The following KCNMB4 variants were observed in gnomAD, a reference collection of about 807,000 sequenced individuals.
KCNMB4 encodes calcium-activated potassium channel subunit beta-4.
Under a neutral mutation model 20.7 loss-of-function variants are expected in KCNMB4, and 3 were observed. The ratio of observed to expected loss-of-function variants is 0.14; its 90% CI spans 0.07 to 0.37. The LOEUF is 0.37. KCNMB4 is among the 10% of genes least tolerant of loss of function. The pLI, the probability that KCNMB4 is intolerant of heterozygous loss-of-function variation, is 1.00. For missense variants in KCNMB4, 168 were observed against 265.9 expected (o/e 0.63, Z 2.56); for synonymous variants, 110 against 113.4 (o/e 0.97, Z 0.19).
At chr12:70,430,366 G>C in intron 2 of KCNMB4, 119 bp from the exon 3 acceptor site, 1 of 1,047,900 alleles carries the variant, frequency 9.5e-7, no homozygotes, top group Non-Finnish European at 1.4e-6. Flanking sequence ...TATAGTCAGA[G>C]TGCAGCCTTT....
At chr12:70,428,540 G>A (rs1869273986) in intron 2 of KCNMB4, among the ~76,000 whole-genome samples, 1 of 152,216 alleles carries the variant, frequency 6.6e-6, no homozygotes, top group African/African-American at 2.4e-5. Flanking sequence ...TCACGGCAGT[G>A]CTGGGATGGG....
chr12:70,376,871 CAA>C (rs57274414), intron 1 of KCNMB4, among the ~76,000 whole-genome samples: 53 of 126,876 alleles, frequency 4.2e-4, no homozygotes, highest in Admixed American at 9.7e-4. Flanking sequence ...GACCTTGTCT[CAA>C]AAAAAAAAAA....
At chr12:70,418,069 G>T (rs1025108909) in intron 2 of KCNMB4, among the ~76,000 whole-genome samples, 2 of 152,034 alleles carry the variant, frequency 1.3e-5, no homozygotes, top group African/African-American at 4.8e-5. Context: ...GCCTTATTTT[G>T]TCTGTGCACA....
At chr12:70,370,265 T>A (rs1883566387) in intron 1 of KCNMB4, among the ~76,000 whole-genome samples, 3 of 152,032 alleles carry the variant, frequency 2.0e-5, no homozygotes, top group Admixed American at 2.0e-4. Flanking sequence ...GTTTTCAGAT[T>A]AAAAGATATT....
At chr12:70,394,603 A>ATG (rs371657715) in intron 1 of KCNMB4, among the ~76,000 whole-genome samples, 9 of 151,812 alleles carry the variant, frequency 5.9e-5, no homozygotes, top group Admixed American at 2.6e-4. Context: ...GTATGTGTGT[A>ATG]TGTGTGTGTG....
chr12:70,427,604 A>G (rs1593350701), intron 2 of KCNMB4, among the ~76,000 whole-genome samples: 2 of 152,220 alleles, frequency 1.3e-5, no homozygotes, highest in South Asian at 2.1e-4. Context: ...ATATTAAAAT[A>G]AAGTTTTACT....
At chr12:70,397,081 G>C (rs1454410789) in intron 1 of KCNMB4, among the ~76,000 whole-genome samples, 1 of 152,136 alleles carries the variant, frequency 6.6e-6, no homozygotes, top group African/African-American at 2.4e-5. Context: ...TTTCAGACCA[G>C]GTGTGATGGC....
rs79981091 is a variant in KCNMB4, at chr12:70,369,904, C to T, written c.336+2834C>T. Among the ~76,000 whole-genome samples the T allele has an allele frequency of 8.0e-3, 1,219 of 152,236 alleles. 21 individuals are homozygous for T. The highest frequency in any genetic ancestry group is 0.028 in the African/African-American group (1,162 of 41,532). On this transcript the variant is annotated intron_variant, in intron 1 of 2. Coordinates refer to ENST00000258111, the MANE Select transcript of KCNMB4 (RefSeq NM_014505.6). ...CAGGGAGATTATCTCTGTGGATTAA[C>T]CATAGCAAAATCTAAATTCGGGGTC...
chr12:70,381,397 G>A (rs540620889), intron 1 of KCNMB4, among the ~76,000 whole-genome samples: 3 of 152,244 alleles, frequency 2.0e-5, no homozygotes, highest in South Asian at 4.1e-4. Flanking sequence ...CAAGAGAAAC[G>A]AAAACATGTC....
At chr12:70,393,290 C>T (rs575684039) in intron 1 of KCNMB4, among the ~76,000 whole-genome samples, 1 of 152,182 alleles carries the variant, frequency 6.6e-6, no homozygotes, top group South Asian at 2.1e-4. Flanking sequence ...ACAACCTCTG[C>T]CTCCCGGGTT....
intron 1 of KCNMB4, among the ~76,000 whole-genome samples, chr12:70,367,314 T>C (rs1244214507): frequency 6.6e-6 from 1 of 152,156 alleles, no homozygotes; most frequent in East Asian, 1.9e-4. Flanking sequence ...CTGTCTTGCC[T>C]GGTCTCAGAT....
intron 1 of KCNMB4, among the ~76,000 whole-genome samples, chr12:70,398,184 C>T (rs1868373356): frequency 6.6e-6 from 1 of 152,034 alleles, no homozygotes; most frequent in African/African-American, 2.4e-5. Flanking sequence ...AGCCATCTCC[C>T]CAGTGGGCAG....
chr12:70,399,489 T>G (rs1868398855), intron 1 of KCNMB4, among the ~76,000 whole-genome samples: 1 of 152,254 alleles, frequency 6.6e-6, no homozygotes, highest in African/African-American at 2.4e-5. Flanking sequence ...ACTGGCATCA[T>G]CTTCGTCATC....
intron 1 of KCNMB4, among the ~76,000 whole-genome samples, chr12:70,379,575 C>T (rs969100006): frequency 1.3e-5 from 2 of 152,164 alleles, no homozygotes; most frequent in African/African-American, 2.4e-5. Context: ...CTCTACCACA[C>T]CTGGCTAATG....
chr12:70,401,196 G>A (rs1477261294), intron 2 of KCNMB4, among the ~76,000 whole-genome samples: 2 of 151,864 alleles, frequency 1.3e-5, no homozygotes, highest in South Asian at 2.1e-4. Context: ...TGGCTAATTC[G>A]TGTATTTTTA....
intron 1 of KCNMB4, among the ~76,000 whole-genome samples, chr12:70,393,379 T>C (rs928641717): frequency 1.3e-5 from 2 of 152,006 alleles, no homozygotes; most frequent in Non-Finnish European, 2.9e-5. Context: ...ATTTTTGTTG[T>C]TTTAGTAGAG....
chr12:70,402,797 G>T (rs541298324), intron 2 of KCNMB4, among the ~76,000 whole-genome samples: 1 of 152,086 alleles, frequency 6.6e-6, no homozygotes, highest in Non-Finnish European at 1.5e-5. Flanking sequence ...TGGCCTCAAG[G>T]TGGCTCTTTT....
At chr12:70,368,168 T>G (rs1196885021) in intron 1 of KCNMB4, among the ~76,000 whole-genome samples, 1 of 152,168 alleles carries the variant, frequency 6.6e-6, no homozygotes, top group Non-Finnish European at 1.5e-5. Flanking sequence ...GAATGCATCT[T>G]GTGTTCACAG....
intron 2 of KCNMB4, among the ~76,000 whole-genome samples, chr12:70,413,735 G>A (rs915922558): frequency 3.3e-5 from 5 of 152,150 alleles, no homozygotes; most frequent in East Asian, 3.8e-4. Context: ...CTACTTGAAC[G>A]ACTCTTGTGA....
Sources: gnomAD v4.1 joint callset for allele counts (sites outside exome capture counted in the v4.1 genomes callset) on GRCh38, gnomAD v4.1.1 for gene constraint, MANE v1.5 for transcripts, NCBI Gene and HGNC (gene_info 2026-07-23, HGNC 2026-07-21) for gene names.